SMARCAL1: variants seen among roughly 807,000 people sequenced by gnomAD.
SMARCAL1 encodes SNF2 related chromatin remodeling annealing helicase 1, also known as ATP-driven annealing helicase.
SMARCAL1 carries 58 observed loss-of-function variants against 94.5 expected under a neutral mutation model. The observed-to-expected ratio is 0.61, with a 90% CI of 0.50 to 0.76. The LOEUF (loss-of-function observed/expected upper bound fraction) is 0.76. Ranked by LOEUF, SMARCAL1 falls within the 30% of genes least tolerant of loss-of-function variation. The probability of loss-of-function intolerance (pLI) is 0.00; values close to 1 mark genes in which losing one functional copy is unlikely to be tolerated. For synonymous variants in SMARCAL1, 422 were observed against 455.1 expected, an observed-to-expected ratio of 0.93 and a Z score of 0.93; for missense variants, 1,051 against 1,177.9, an observed-to-expected ratio of 0.89 and a Z score of 1.58.
chr2:216,453,996 A>C (rs955856407), intron 12 of SMARCAL1, among the ~76,000 whole-genome samples: 1 of 152,242 alleles, frequency 6.6e-6, no homozygotes, highest in Non-Finnish European at 1.5e-5. Context: ...GACTGTAATC[A>C]TCTTTTGTCT....
chr2:216,414,463 G>T (rs1471008687), intron 2 of SMARCAL1, 184 bp from the exon 3 acceptor site: 22 of 510,104 alleles, frequency 4.3e-5, no homozygotes, highest in Non-Finnish European at 6.3e-5. Context: ...TTTGATCAGG[G>T]TCTTTATTTC....
intron 10 of SMARCAL1, among the ~76,000 whole-genome samples, chr2:216,440,265 G>C (rs2106042546): frequency 6.6e-6 from 1 of 152,226 alleles, no homozygotes; most frequent in Middle Eastern, 3.4e-3. Context: ...ACTCCTGATT[G>C]TTTAGACAAA....
intron 9 of SMARCAL1, among the ~76,000 whole-genome samples, chr2:216,436,905 C>A (rs1233442250): frequency 6.6e-6 from 1 of 152,188 alleles, no homozygotes; most frequent in Non-Finnish European, 1.5e-5. Flanking sequence ...ACAAAGCTAG[C>A]AAGTTGGAGG....
At chr2:216,420,723 T>A (rs1261528785) in intron 5 of SMARCAL1, among the ~76,000 whole-genome samples, 191 bp downstream of exon 5, 2 of 152,210 alleles carry the variant, frequency 1.3e-5, no homozygotes, top group African/African-American at 4.8e-5. Flanking sequence ...GGCTGTTTTG[T>A]CATAAGGCCT....
At chr2:216,472,524 A>T (rs1221367742) in intron 14 of SMARCAL1, among the ~76,000 whole-genome samples, 1 of 152,188 alleles carries the variant, frequency 6.6e-6, no homozygotes, top group African/African-American at 2.4e-5. Context: ...AAGAAAAATT[A>T]CATTTTTAAA....
At position 216,475,264 on chromosome 2, in the gene SMARCAL1, T is replaced by C. The variant is rs1574484081; in HGVS notation, c.2245-5T>C. 1 of 1,614,082 alleles carries C rather than the reference T, an allele frequency of 6.2e-7. No homozygotes were observed. Among genetic ancestry groups the C allele is most frequent in the Non-Finnish European group, 8.5e-7 (1 of 1,179,998 alleles). ...CCACCTTGCTTCTGCCCCTTGTTCC[T>C]GCAGCACGTGCAGCACATCCGCATC... On this transcript the variant is annotated splice_region_variant and splice_polypyrimidine_tract_variant and intron_variant, in intron 14 of 17. Transcript: ENST00000357276. This position sits in a 1 kb window ranked among gnomAD's most constrained non-coding sequence, Gnocchi z 4.4.
intron 5 of SMARCAL1, among the ~76,000 whole-genome samples, chr2:216,421,371 C>T (rs1033820821): frequency 1.3e-5 from 2 of 152,152 alleles, no homozygotes; most frequent in Admixed American, 1.3e-4. Flanking sequence ...AATCTTGGCT[C>T]ACCGCAACCT....
rs1020317545 is a variant in SMARCAL1, at chr2:216,482,401, C to G, written c.2626-337C>G. Among the ~76,000 whole-genome samples, 5 of 152,282 alleles carry G rather than the reference C, an allele frequency of 3.3e-5. No homozygotes were observed. The highest frequency in any genetic ancestry group is 6.5e-5 in the Admixed American group (1 of 15,298). ...TTTGGAGGAAGTGAGATCTTGGGTG[C>G]TATTTCAGTATTGAAATAATGATTT... On this transcript the variant is annotated intron_variant, in intron 17 of 17. Transcript: ENST00000357276. The surrounding 1 kb of genome is among the most constrained non-coding windows in gnomAD (Gnocchi z 4.3).
At chr2:216,416,584 C>G (rs1220854566) in intron 4 of SMARCAL1, among the ~76,000 whole-genome samples, 2 of 152,174 alleles carry the variant, frequency 1.3e-5, no homozygotes, top group African/African-American at 4.8e-5. Flanking sequence ...CTTATAATGA[C>G]TTTTTTACAG....
intron 7 of SMARCAL1, 99 bp from the exon 8 acceptor site, chr2:216,432,619 G>C: frequency 1.4e-6 from 2 of 1,474,590 alleles, no homozygotes; most frequent in East Asian, 4.6e-5. Context: ...GGGCTGGCCA[G>C]TGAAGTGGCC....
intron 7 of SMARCAL1, among the ~76,000 whole-genome samples, chr2:216,430,083 G>C (rs1333850646): frequency 2.0e-5 from 3 of 152,158 alleles, no homozygotes; most frequent in Non-Finnish European, 4.4e-5. Flanking sequence ...CCCACGTGTT[G>C]GGTGCTGGTT....
intron 10 of SMARCAL1, among the ~76,000 whole-genome samples, chr2:216,441,028 A>G (rs907054885): frequency 2.6e-5 from 4 of 152,212 alleles, no homozygotes; most frequent in Admixed American, 2.6e-4. Context: ...AGTTGGGAAA[A>G]AGTAAAGTAT....
intron 4 of SMARCAL1, among the ~76,000 whole-genome samples, chr2:216,418,498 T>A (rs1693651627): frequency 6.6e-6 from 1 of 152,224 alleles, no homozygotes; most frequent in Admixed American, 6.5e-5. Context: ...TTCATGATTG[T>A]GTCTCATGAT....
chr2:216,465,144 G>T (rs566508255), intron 13 of SMARCAL1, among the ~76,000 whole-genome samples: 2 of 152,276 alleles, frequency 1.3e-5, no homozygotes, highest in Admixed American at 1.3e-4. Context: ...CTAAAACCCT[G>T]TCTCAAGGGA....
At chr2:216,424,042 A>G (rs757300290) in intron 6 of SMARCAL1, among the ~76,000 whole-genome samples, 13 of 152,332 alleles carry the variant, frequency 8.5e-5, no homozygotes, top group Non-Finnish European at 1.8e-4. Context: ...ACCATAGATT[A>G]CTTCTAAGAA....
intron 6 of SMARCAL1, among the ~76,000 whole-genome samples, chr2:216,425,776 G>A (rs192306296): frequency 1.9e-4 from 29 of 152,292 alleles, no homozygotes; most frequent in Non-Finnish European, 1.9e-4. Flanking sequence ...GCTCAGAATG[G>A]GGGTGTGTGT....
intron 13 of SMARCAL1, among the ~76,000 whole-genome samples, chr2:216,465,626 C>T (rs1694815059): frequency 6.6e-6 from 1 of 151,998 alleles, no homozygotes; most frequent in African/African-American, 2.4e-5. Flanking sequence ...AAGAAAAACC[C>T]ACTCCTATTT....
chr2:216,480,285 A>G (rs573638483), intron 17 of SMARCAL1, among the ~76,000 whole-genome samples: 16 of 152,326 alleles, frequency 1.1e-4, no homozygotes, highest in African/African-American at 3.4e-4. Flanking sequence ...GTTGCTTCCA[A>G]TATAGGAGAC....
chr2:216,442,779 T>G (rs1694223889), intron 10 of SMARCAL1, among the ~76,000 whole-genome samples: 1 of 152,242 alleles, frequency 6.6e-6, no homozygotes, highest in Non-Finnish European at 1.5e-5. Context: ...TTGATGGATT[T>G]GTAACCAAAT....
Sources: gnomAD v4.1 joint callset for allele counts (sites outside exome capture counted in the v4.1 genomes callset) on GRCh38, gnomAD v4.1.1 for gene constraint, Gnocchi (gnomAD v3.1) non-coding constraint, MANE v1.5 for transcripts, NCBI Gene and HGNC (gene_info 2026-07-23, HGNC 2026-07-21) for gene names.